Variants in DHX58 observed in about 807,000 individuals in gnomAD.
The protein encoded by DHX58 is DExH-box helicase 58.
Under a neutral mutation model 65.0 loss-of-function variants are expected in DHX58, and 51 were observed. That is an observed-to-expected ratio of 0.78 (90% CI 0.63 to 0.99). DHX58 has a LOEUF of 0.99. DHX58 is among the 50% of genes least tolerant of loss of function. The pLI is 0.00. For missense variants in DHX58, 773 were observed against 891.8 expected (o/e 0.87, Z 1.70); for synonymous variants, 350 against 365.0 (o/e 0.96, Z 0.47).
chr17:42,112,531 C>G (rs1290402875), intron 1 of DHX58, 74 bp downstream of exon 1: 2 of 146,360 alleles, frequency 1.4e-5, no homozygotes, highest in Non-Finnish European at 3.0e-5. Context: ...GGGGGGACAC[C>G]CTCAAAACTC....
At chr17:42,103,040 C>T (rs1010925544) in intron 12 of DHX58, among the ~76,000 whole-genome samples, 1 of 152,030 alleles carries the variant, frequency 6.6e-6, no homozygotes, top group Non-Finnish European at 1.5e-5. Context: ...TACCCACCTC[C>T]GCCTCCCAAA....
In DHX58 at chr17:42,108,093, A is replaced by G; in HGVS notation, c.694T>C (p.Leu232=). ...HRRSQDPFGD[L]LKKLMDQIHD... is the part of the protein sequence containing the mutation. ...ATTTGGTCCATGAGCTTCTTCAGCA[A>G]GTCCCCAAACGGATCCTGAGCAAGA... is the stretch of plus-strand genomic sequence containing the variant. The change falls in exon 7 of 14, where the codon TTG becomes CTG. Residue 232 remains leucine (L), a synonymous_variant. Transcript: ENST00000251642. The G allele has an allele frequency of 6.2e-7, 1 of 1,614,244 alleles. No individual in the cohort carries two copies. The highest frequency in any genetic ancestry group is 1.6e-4 in the Middle Eastern group (1 of 6,062).
At chr17:42,106,748 T>C (rs1555662789) in intron 8 of DHX58, among the ~76,000 whole-genome samples, 38 of 150,822 alleles carry the variant, frequency 2.5e-4, no homozygotes, top group East Asian at 9.9e-4. Flanking sequence ...TGTAGTGAGC[T>C]GGGATGGTGC....
At chr17:42,106,706 AG>A (rs1405677151) in intron 8 of DHX58, among the ~76,000 whole-genome samples, 1 of 127,160 alleles carries the variant, frequency 7.9e-6, no homozygotes, top group Non-Finnish European at 1.6e-5. Context: ...AGGCTGAGGC[AG>A]GAGAATCACT....
At position 42,103,539 on chromosome 17, in the gene DHX58, T is replaced by C. The variant is rs560435477; in HGVS notation, c.1754+69A>G. 1.4e-4 allele frequency: 215 copies of C among 1,577,230 alleles called. No individual in the cohort carries two copies. The African/African-American group carries it at 2.7e-3, about 20-fold the overall frequency. ...ACAATGCTCTTTAGCTTCCCAAAGC[T>C]TCAAAGCACTGTCTGGATGGGAAGG... On this transcript the variant is annotated intron_variant, in intron 12 of 13. Coordinates refer to ENST00000251642, the MANE Select transcript of DHX58 (RefSeq NM_024119.3).
In DHX58 at chr17:42,103,652, C is replaced by A; in HGVS notation, c.1710G>T (p.Arg570=). ...MVAVGHGSDL[R]KVEGTHHVNV... ...TGACATGGTGGGTGCCCTCCACCTT[C>A]CGCAGGTCGCTGCCATGGCCCACAG... Residue 570 remains arginine (R), a synonymous_variant, in exon 12 of 14, where the codon CGG becomes CGT. Coordinates refer to ENST00000251642, the MANE Select transcript of DHX58 (RefSeq NM_024119.3). 6.2e-7 allele frequency: 1 copy of A among 1,614,072 alleles called. No homozygotes were observed. Among genetic ancestry groups the A allele is most frequent in the Non-Finnish European group, 8.5e-7 (1 of 1,180,048 alleles).
rs1323659231 is a variant in DHX58 at position 42,101,687 on chromosome 17, A to G, written c.*74T>C. ...GATGCCCACAGCTGATGATTCAGGA[A>G]GGAGGGGCCTGGAGTCTGCTGCAGA... On this transcript the variant is annotated 3_prime_UTR_variant, in exon 14 of 14. Coordinates refer to ENST00000251642, the MANE Select transcript of DHX58 (RefSeq NM_024119.3). 7.8e-6 allele frequency: 12 copies of G among 1,547,236 alleles called. No individual in the cohort carries two copies. Among genetic ancestry groups the G allele is most frequent in the Non-Finnish European group, 7.9e-6 (9 of 1,139,006 alleles).
At chr17:42,112,076 C>T (rs1555664520) in intron 2 of DHX58, 37 bp downstream of exon 2, 2 of 700,168 alleles carry the variant, frequency 2.9e-6, no homozygotes, top group Non-Finnish European at 4.5e-6. Context: ...GGGAGTAACA[C>T]AGGCTACACC....
chr17:42,111,564 G>C, intron 3 of DHX58, 67 bp from the exon 4 acceptor site: 1 of 1,598,682 alleles, frequency 6.3e-7, no homozygotes, highest in East Asian at 2.2e-5. Context: ...AGGCGGTAAG[G>C]TGACCCGCAG....
At chr17:42,110,618 G>A in intron 5 of DHX58, 105 bp downstream of exon 5, 3 of 1,317,826 alleles carry the variant, frequency 2.3e-6, no homozygotes, top group Non-Finnish European at 2.0e-6. Flanking sequence ...CTGCCATGGA[G>A]AGCCTGGTAG....
chr17:42,108,913 T>C (rs1296225884), intron 6 of DHX58, among the ~76,000 whole-genome samples: 2 of 152,270 alleles, frequency 1.3e-5, no homozygotes, highest in African/African-American at 4.8e-5. Context: ...GGTATAGTTA[T>C]GGACCTGACA....
At position 42,111,456 on chromosome 17, in the gene DHX58, C is replaced by A. The variant is rs370935609; in HGVS notation, c.210G>T (p.Met70Ile). 6.2e-7 allele frequency: 1 copy of A among 1,614,182 alleles called. No individual in the cohort carries two copies. Among genetic ancestry groups the A allele is most frequent in the South Asian group, 1.1e-5 (1 of 91,088 alleles). Residue 70 changes from methionine to isoleucine, a missense_variant, in exon 4 of 14, where the codon ATG becomes ATT. Transcript: ENST00000251642. ...TTGTCACGGTCCAGCGTCCATCCAG[C>A]ATGCGCCTGAACTCTTCACCATGCT... ...VTQHGEEFRR[M>I]LDGRWTVTTL...
At chr17:42,111,648 G>A (rs2054157266) in intron 3 of DHX58, 77 bp downstream of exon 3, 10 of 1,570,024 alleles carry the variant, frequency 6.4e-6, no homozygotes, top group Admixed American at 1.7e-5. Context: ...TTGGAGTTCT[G>A]GTGGGGACTG....
rs199709706 is a variant in DHX58, at chr17:42,103,808, G to A, written c.1564-10C>T. Reference sequence around the variant, plus strand: ...GCTGCAGATCCCGGATCTGGGGTGGGAGGAGACACCAGGCATGGCTGGGGC... The same window carrying A: ...GCTGCAGATCCCGGATCTGGGGTGGAAGGAGACACCAGGCATGGCTGGGGC... On this transcript the variant is annotated splice_polypyrimidine_tract_variant and intron_variant, in intron 11 of 13. Coordinates refer to ENST00000251642, the MANE Select transcript of DHX58 (RefSeq NM_024119.3). The A allele has an allele frequency of 1.9e-6, 3 of 1,599,968 alleles. No individual in the cohort carries two copies. The highest frequency in any genetic ancestry group is 2.5e-6 in the Non-Finnish European group (3 of 1,177,030).
At chr17:42,107,253 C>T (rs1001302965) in intron 8 of DHX58, among the ~76,000 whole-genome samples, 1 of 151,422 alleles carries the variant, frequency 6.6e-6, no homozygotes, top group African/African-American at 2.4e-5. Context: ...GTACGCCTAG[C>T]TACTTGGGAA....
At position 42,107,206 on chromosome 17, in the gene DHX58, A is replaced by T. The variant is rs144336610; in HGVS notation, c.997+398T>A. 2.5e-4 allele frequency among the ~76,000 whole-genome samples: 38 copies of T among 152,034 alleles called. 1 individual carries two copies. The highest frequency in any genetic ancestry group is 6.2e-4 in the South Asian group (3 of 4,808). On this transcript the variant is annotated intron_variant, in intron 8 of 13. Coordinates refer to ENST00000251642, the MANE Select transcript of DHX58 (RefSeq NM_024119.3). ...GCAAGACTCCGCCTCTTCAAAAAAA[A>T]TTTTTTTTAATTAGCTGGGAGTGGT...
At position 42,104,765 on chromosome 17, in the gene DHX58, C is replaced by A; in HGVS notation, c.1563+1G>T. On this transcript the variant is annotated splice_donor_variant, in intron 11 of 13. Coordinates refer to ENST00000251642, the MANE Select transcript of DHX58 (RefSeq NM_024119.3). LOFTEE classifies it high-confidence loss of function. ...ACAGGGCATGCAGGCTGCCTGCAGA[C>A]CTTGGCCTGGTACTCGGCCTGGTCC... is the stretch of plus-strand genomic sequence containing the variant. 1.9e-6 allele frequency: 3 copies of A among 1,613,762 alleles called. No homozygotes were observed. Among genetic ancestry groups the A allele is most frequent in the East Asian group, 2.2e-5 (1 of 44,892 alleles).
chr17:42,105,864 G>A lies in DHX58; in HGVS notation c.1123C>T (p.Arg375Cys), dbSNP rs782708763. 33 of 1,613,872 alleles carry A rather than the reference G, an allele frequency of 2.0e-5. No homozygotes were observed. Among genetic ancestry groups the A allele is most frequent in the Non-Finnish European group, 2.5e-5 (30 of 1,180,028 alleles). ...AGGGAGTGTGCGCTTTGGCGGGTGC[G>A]GGTGAAGATGATACCCCGAGGGCTG... ...SNSPRGIIFT[R>C]TRQSAHSLLL... Residue 375 changes from arginine to cysteine, a missense_variant, in exon 9 of 14, where the codon CGC (arginine) becomes TGC (cysteine). By Grantham distance (180) the Arg-to-Cys change is radical (BLOSUM62 -3). Coordinates refer to ENST00000251642, the MANE Select transcript of DHX58 (RefSeq NM_024119.3).
At chr17:42,102,046 AC>A in intron 13 of DHX58, 100 bp from the exon 14 acceptor site, 1 of 1,461,644 alleles carries the variant, frequency 6.8e-7, no homozygotes, top group Non-Finnish European at 9.3e-7. Context: ...TTTTCCTCCC[AC>A]CTGAGATGTC....
Sources: gnomAD v4.1 joint callset for allele counts (sites outside exome capture counted in the v4.1 genomes callset) on GRCh38, gnomAD v4.1.1 for gene constraint, MANE v1.5 for transcripts, NCBI Gene and HGNC (gene_info 2026-07-23, HGNC 2026-07-21) for gene names.